The following TSHZ2 variants were observed in gnomAD, a reference collection of about 807,000 sequenced individuals.
TSHZ2 encodes the protein teashirt zinc finger homeobox 2.
In TSHZ2, 21 loss-of-function variants were observed where a neutral mutation model predicts 74.4. The observed-to-expected ratio is 0.28, with a 90% confidence interval of 0.20 to 0.41. The LOEUF (loss-of-function observed/expected upper bound fraction) is 0.41. Ranked by LOEUF, TSHZ2 falls within the 10% of genes least tolerant of loss-of-function variation. The pLI is 1.00. For missense variants in TSHZ2, 1,244 were observed against 1,293.5 expected (o/e 0.96, Z 0.59); for synonymous variants, 540 against 515.3 (o/e 1.05, Z -0.65).
intron 1 of TSHZ2, among the ~76,000 whole-genome samples, chr20:53,021,476 TCTTTCTTC>T (rs1983245068): frequency 6.6e-6 from 1 of 152,224 alleles, no homozygotes; most frequent in African/African-American, 2.4e-5. Flanking sequence ...GGGTTTGCCT[TCTTTCTTC>T]CTTTCTTCCC....
chr20:53,373,226 G>A (rs377643385), intron 2 of TSHZ2, among the ~76,000 whole-genome samples: 7 of 152,208 alleles, frequency 4.6e-5, no homozygotes, highest in Admixed American at 1.3e-4. Context: ...ATTTGCTGAC[G>A]ACTTTGACTG....
intron 2 of TSHZ2, among the ~76,000 whole-genome samples, chr20:53,464,120 C>T (rs1007565885): frequency 1.3e-5 from 2 of 152,194 alleles, no homozygotes; most frequent in African/African-American, 4.8e-5. Context: ...AAAAGTTCAC[C>T]TGTCTTCACC....
chr20:53,453,801 G>C (rs750235305), intron 2 of TSHZ2, among the ~76,000 whole-genome samples: 1 of 152,054 alleles, frequency 6.6e-6, no homozygotes, highest in Non-Finnish European at 1.5e-5. Flanking sequence ...GGTAGGAGAG[G>C]GATGCCCAGA....
chr20:53,165,662 C>A (rs567336844), intron 1 of TSHZ2, among the ~76,000 whole-genome samples: 22 of 152,344 alleles, frequency 1.4e-4, no homozygotes, highest in African/African-American at 5.1e-4. Flanking sequence ...ACCTGTCTTG[C>A]CCAATTGGGC....
chr20:53,167,994 G>A (rs1048996493), intron 1 of TSHZ2, among the ~76,000 whole-genome samples: 6 of 152,172 alleles, frequency 3.9e-5, no homozygotes, highest in Non-Finnish European at 5.9e-5. Context: ...GCAGGGAGTG[G>A]CAATAGTCGC....
At chr20:53,462,203 A>G (rs1485304664) in intron 2 of TSHZ2, among the ~76,000 whole-genome samples, 1 of 152,194 alleles carries the variant, frequency 6.6e-6, no homozygotes, top group Admixed American at 6.5e-5. Context: ...GCAGTGAGCC[A>G]AGACTGTGCC....
chr20:53,269,003 A>C (rs1332773669), intron 2 of TSHZ2, among the ~76,000 whole-genome samples: 2 of 152,146 alleles, frequency 1.3e-5, no homozygotes, highest in African/African-American at 4.8e-5. Context: ...TGATGCCGTG[A>C]GGTCTTAAAA....
At chr20:53,094,168 A>T (rs1985969103) in intron 1 of TSHZ2, among the ~76,000 whole-genome samples, 1 of 152,014 alleles carries the variant, frequency 6.6e-6, no homozygotes, top group Admixed American at 6.6e-5. Context: ...TTGAGTAGAG[A>T]CTGTCTGGCC....
At chr20:53,045,215 G>T (rs562848052) in intron 1 of TSHZ2, among the ~76,000 whole-genome samples, 2 of 152,304 alleles carry the variant, frequency 1.3e-5, no homozygotes, top group African/African-American at 4.8e-5. Context: ...CCTGTGAGAA[G>T]GGAAGAGTAC....
intron 2 of TSHZ2, among the ~76,000 whole-genome samples, chr20:53,289,650 G>C (rs73274278): frequency 0.041 from 6,258 of 152,224 alleles, 440 homozygotes; most frequent in African/African-American, 0.14. Context: ...TTGGAGGAAG[G>C]CTATTTTAGA....
chr20:53,142,249 T>G (rs1381167960), intron 1 of TSHZ2, among the ~76,000 whole-genome samples: 1 of 152,196 alleles, frequency 6.6e-6, no homozygotes, highest in Non-Finnish European at 1.5e-5. Flanking sequence ...TTCACTCTCT[T>G]CCTAGGGTCC....
At chr20:53,469,055 A>T (rs1487242171) in intron 2 of TSHZ2, among the ~76,000 whole-genome samples, 1 of 107,678 alleles carries the variant, frequency 9.3e-6, no homozygotes, top group Non-Finnish European at 1.8e-5. Context: ...TTATATATAT[A>T]TATATATATA....
At chr20:53,299,336 T>C (rs1324148333) in intron 2 of TSHZ2, among the ~76,000 whole-genome samples, 1 of 152,234 alleles carries the variant, frequency 6.6e-6, no homozygotes, top group Admixed American at 6.5e-5. Flanking sequence ...CTTTTCCCCA[T>C]TAAATTACAA....
chr20:53,248,781 G>A (rs1281300906), intron 1 of TSHZ2, among the ~76,000 whole-genome samples: 1 of 152,200 alleles, frequency 6.6e-6, no homozygotes, highest in African/African-American at 2.4e-5. Context: ...CAGCAAGGAA[G>A]TTGGTAGCTG....
intron 2 of TSHZ2, among the ~76,000 whole-genome samples, chr20:53,462,652 G>A (rs1253163986): frequency 6.6e-6 from 1 of 152,204 alleles, no homozygotes; most frequent in Non-Finnish European, 1.5e-5. Flanking sequence ...TATAAGGAAA[G>A]CATTTAAAAT....
At chr20:53,114,785 T>G (rs1986625009) in intron 1 of TSHZ2, among the ~76,000 whole-genome samples, 1 of 152,192 alleles carries the variant, frequency 6.6e-6, no homozygotes, top group African/African-American at 2.4e-5. Context: ...TTGGGCCTTC[T>G]GCTTAAATTA....
chr20:52,989,526 A>G (rs1267522544), intron 1 of TSHZ2, among the ~76,000 whole-genome samples: 1 of 152,234 alleles, frequency 6.6e-6, no homozygotes, highest in Non-Finnish European at 1.5e-5. Flanking sequence ...GGACTCTTTG[A>G]ACAACCAGCT....
intron 1 of TSHZ2, among the ~76,000 whole-genome samples, chr20:53,182,119 CTTCT>C (rs2123513352): frequency 6.6e-6 from 1 of 151,586 alleles, no homozygotes; most frequent in African/African-American, 2.4e-5. Flanking sequence ...TCCTTCCTCC[CTTCT>C]TTCTCTCCCT....
chr20:53,394,775 A>C lies in TSHZ2; in HGVS notation c.*9-92369A>C, dbSNP rs558150005. ...TCAATCTGTCTCAAAAAAAAAAAAAAAAAAACTGTTCTTCAATTGCCTTTA... is the reference window on the plus strand; with the variant it reads ...TCAATCTGTCTCAAAAAAAAAAAAACAAAAACTGTTCTTCAATTGCCTTTA... On this transcript the variant is annotated intron_variant, in intron 2 of 2. Transcript: ENST00000371497. Among the ~76,000 whole-genome samples, 99 of 150,572 alleles carry C rather than the reference A, an allele frequency of 6.6e-4. 2 individuals carry two copies. The highest frequency in any genetic ancestry group is 2.2e-3 in the African/African-American group (88 of 40,804).
Sources: allele counts gnomAD v4.1 joint callset (sites outside exome capture counted in the v4.1 genomes callset), GRCh38; gene constraint gnomAD v4.1.1; transcripts MANE v1.5; gene names NCBI Gene and HGNC (gene_info 2026-07-23, HGNC 2026-07-21).